SMURF2: variants seen among roughly 807,000 people sequenced by gnomAD.
SMURF2 encodes E3 ubiquitin-protein ligase SMURF2.
A neutral mutation model predicts 109.6 loss-of-function variants in SMURF2; 48 were observed. That is an observed-to-expected ratio of 0.44 (90% confidence interval 0.35 to 0.56). SMURF2 has a LOEUF of 0.56. Among genes scored for constraint, SMURF2 ranks in the 20% least tolerant of loss-of-function variants. The pLI is 0.01. For synonymous variants in SMURF2, 288 were observed against 317.1 expected (o/e 0.91, Z 0.97); for missense variants, 575 against 909.0 (o/e 0.63, Z 4.72).
At chr17:64,579,238 G>A (rs1269320456) in intron 8 of SMURF2, among the ~76,000 whole-genome samples, 1 of 151,948 alleles carries the variant, frequency 6.6e-6, no homozygotes. Context: ...AAAGGCCAGG[G>A]TGAAGAGAAC....
chr17:64,565,106 C>A (rs1969281648), intron 10 of SMURF2, among the ~76,000 whole-genome samples: 1 of 152,138 alleles, frequency 6.6e-6, no homozygotes, highest in South Asian at 2.1e-4. Context: ...AGATATCAGG[C>A]CTCTTCACAA....
chr17:64,616,477 T>C (rs1970122310), intron 1 of SMURF2, among the ~76,000 whole-genome samples: 2 of 151,750 alleles, frequency 1.3e-5, no homozygotes, highest in South Asian at 4.2e-4. Context: ...AGTGAAACCC[T>C]GTCTCTTCTA....
At chr17:64,594,153 T>C (rs1400588874) in intron 3 of SMURF2, 1 of 152,302 alleles carries the variant, frequency 6.6e-6, no homozygotes, top group Non-Finnish European at 1.5e-5. Flanking sequence ...TGTCTGTGCA[T>C]ATGCCTGTAA....
At chr17:64,646,610 T>A (rs546064677) in intron 1 of SMURF2, among the ~76,000 whole-genome samples, 3 of 151,328 alleles carry the variant, frequency 2.0e-5, no homozygotes, top group African/African-American at 7.3e-5. Context: ...CTCGAATTCA[T>A]GAGCTCAAGC....
At chr17:64,553,714 G>A (rs1266144357) in intron 15 of SMURF2, among the ~76,000 whole-genome samples, 1 of 152,122 alleles carries the variant, frequency 6.6e-6, no homozygotes, top group Non-Finnish European at 1.5e-5. Flanking sequence ...TTAATTGACC[G>A]TCTTTCCCCG....
intron 2 of SMURF2, among the ~76,000 whole-genome samples, chr17:64,604,511 T>C (rs1969942580): frequency 6.6e-6 from 1 of 152,116 alleles, no homozygotes; most frequent in Admixed American, 6.5e-5. Flanking sequence ...GAGGTAAGAA[T>C]ATCTGGATAT....
intron 1 of SMURF2, among the ~76,000 whole-genome samples, chr17:64,659,965 A>G (rs1335896584): frequency 6.6e-6 from 1 of 152,216 alleles, no homozygotes; most frequent in African/African-American, 2.4e-5. Context: ...GACACAGGGT[A>G]TTTAAAATTC....
intron 8 of SMURF2, 94 bp from the exon 9 acceptor site, chr17:64,578,670 A>G: frequency 1.4e-6 from 1 of 735,430 alleles, no homozygotes; most frequent in Non-Finnish European, 2.3e-6. Context: ...ATAGGGAAAA[A>G]TCTCCAAATT....
chr17:64,553,534 CA>C (rs1161673632), intron 15 of SMURF2, among the ~76,000 whole-genome samples: 13 of 146,516 alleles, frequency 8.9e-5, no homozygotes, highest in African/African-American at 3.2e-4. Context: ...AAACAAAAAA[CA>C]AAAAAAAAAC....
chr17:64,608,039 A>AAATAAATC (rs1969996109), intron 1 of SMURF2, among the ~76,000 whole-genome samples: 1 of 149,458 alleles, frequency 6.7e-6, no homozygotes, highest in Non-Finnish European at 1.5e-5. Context: ...ATAAATAAAT[A>AAATAAATC]AATAAATCTG....
chr17:64,559,815 T>C (rs1190299973), intron 12 of SMURF2, among the ~76,000 whole-genome samples: 22 of 151,158 alleles, frequency 1.5e-4, no homozygotes, highest in African/African-American at 4.9e-4. Flanking sequence ...TAGCACGATC[T>C]CGGCTCAGTG....
At position 64,578,424 on chromosome 17, in the gene SMURF2, AAAATCAAAG is replaced by A. The variant is rs367617642; in HGVS notation, c.857+59_857+67del. 2.5e-5 allele frequency: 27 copies of A among 1,086,496 alleles called. No individual in the cohort carries two copies. In the African/African-American group the frequency reaches 3.3e-4, roughly 13 times the overall value. 67.3% of individuals were successfully genotyped at this position (1,086,496 alleles called of 1,614,324 possible). A position where few individuals can be genotyped will look rare whatever the true frequency, so the allele number is the denominator to read the frequency against. On this transcript the variant is annotated intron_variant, in intron 9 of 18. Transcript: ENST00000262435. ...ATTTTTAAAAGGTAAAAATTTCTTA[AAAATCAAAG>A]AAATCCTAGGTGAAATGGCTCTTTG...
chr17:64,547,491 T>C lies in SMURF2; in HGVS notation c.2071+109A>G. 1.1e-6 allele frequency: 1 copy of C among 880,210 alleles called. No homozygotes were observed. 54.5% of individuals were successfully genotyped at this position (880,210 alleles called of 1,614,324 possible). ...CAATGTGAGAGTCACAGATAAGAAGTGAAAAAGAGAATCTCTAAGCACATG... is the reference window on the plus strand; with the variant it reads ...CAATGTGAGAGTCACAGATAAGAAGCGAAAAAGAGAATCTCTAAGCACATG... On this transcript the variant is annotated intron_variant, in intron 17 of 18. Coordinates refer to ENST00000262435, the MANE Select transcript of SMURF2 (RefSeq NM_022739.4). This position sits in a 1 kb window ranked among gnomAD's most constrained non-coding sequence, Gnocchi z 4.2.
At chr17:64,647,352 A>G (rs1166917835) in intron 1 of SMURF2, among the ~76,000 whole-genome samples, 2 of 152,150 alleles carry the variant, frequency 1.3e-5, no homozygotes, top group Admixed American at 6.6e-5. Flanking sequence ...TTTTATCACA[A>G]TGAACTTTTG....
At chr17:64,642,777 T>C (rs1285995146) in intron 1 of SMURF2, among the ~76,000 whole-genome samples, 1 of 152,120 alleles carries the variant, frequency 6.6e-6, no homozygotes, top group Non-Finnish European at 1.5e-5. Context: ...CAACCAATTT[T>C]AAGTTGAATT....
Position 64,547,824 on chromosome 17 carries a change from T to G in SMURF2, c.1870-23A>C, listed in dbSNP as rs879992717. On this transcript the variant is annotated intron_variant, in intron 16 of 18. Coordinates refer to ENST00000262435, the MANE Select transcript of SMURF2 (RefSeq NM_022739.4). This position sits in a 1 kb window ranked among gnomAD's most constrained non-coding sequence, Gnocchi z 4.2. ...GAGCTGTGAAAATAGTACACAGTAA[T>G]GAACCTGTGGAAACCACAGCCAGAC... 3 of 1,611,354 alleles carry G rather than the reference T, an allele frequency of 1.9e-6. No individual in the cohort carries two copies. The South Asian group carries it at 3.3e-5, about 18-fold the overall frequency.
In SMURF2 at chr17:64,580,898, T is replaced by TC. The variant is rs781979567; in HGVS notation, c.662dup (p.Gln222ThrfsTer18). The TC allele has an allele frequency of 6.2e-7, 1 of 1,614,158 alleles. No homozygotes were observed. Among genetic ancestry groups the TC allele is most frequent in the Non-Finnish European group, 8.5e-7 (1 of 1,180,014 alleles). On this transcript the variant is annotated frameshift_variant, in exon 8 of 19. Coordinates refer to ENST00000262435, the MANE Select transcript of SMURF2 (RefSeq NM_022739.4). LOFTEE classifies it high-confidence loss of function. ...CTGCCAGCCTGGGATCTGAAGACTG[T>TC]CCACATGTTGCACCATTTGTTCCAC...
Position 64,547,249 on chromosome 17 carries a change from A to G in SMURF2, c.2071+351T>C, listed in dbSNP as rs1389835563. Among the ~76,000 whole-genome samples, 1 of 152,210 alleles carries G rather than the reference A, an allele frequency of 6.6e-6. No homozygotes were observed. The highest frequency in any genetic ancestry group is 1.5e-5 in the Non-Finnish European group (1 of 68,032). ...GAAAAGTAGAGGGGAGAGGCATCCC[A>G]GGCAGGTAAACGTTTCACCAGGTCA... On this transcript the variant is annotated intron_variant, in intron 17 of 18. Transcript: ENST00000262435. This position sits in a 1 kb window ranked among gnomAD's most constrained non-coding sequence, Gnocchi z 4.2.
chr17:64,651,542 A>T (rs1970640538), intron 1 of SMURF2, among the ~76,000 whole-genome samples: 1 of 151,736 alleles, frequency 6.6e-6, no homozygotes, highest in African/African-American at 2.4e-5. Context: ...ACTGCATTCC[A>T]GCCTGGGCGA....
Sources: gnomAD v4.1 joint callset for allele counts (sites outside exome capture counted in the v4.1 genomes callset) on GRCh38, gnomAD v4.1.1 for gene constraint, Gnocchi (gnomAD v3.1) non-coding constraint, MANE v1.5 for transcripts, NCBI Gene and HGNC (gene_info 2026-07-23, HGNC 2026-07-21) for gene names.